Variants in CMTM4 observed in about 807,000 individuals in gnomAD.
CMTM4 encodes CKLF like MARVEL transmembrane domain containing 4.
CMTM4 carries 8 observed loss-of-function variants against 19.0 expected under a neutral mutation model. That is an observed-to-expected ratio of 0.42 (90% CI 0.25 to 0.76). CMTM4 has a LOEUF of 0.76. Ranked by LOEUF, CMTM4 falls within the 30% of genes least tolerant of loss-of-function variation. CMTM4 has a pLI of 0.27. For synonymous variants in CMTM4, 106 were observed against 121.1 expected, an observed-to-expected ratio of 0.88 and a Z score of 0.82; for missense variants, 228 against 290.2, an observed-to-expected ratio of 0.79 and a Z score of 1.56.
the CMTM4 span, among the ~76,000 whole-genome samples, chr16:66,603,287 A>T: frequency 5.4e-5 from 8 of 147,356 alleles, no homozygotes; most frequent in South Asian, 2.1e-4. Context: ...GTCTTTATTT[A>T]TTTTTTTTTT....
At chr16:66,683,814 G>T (rs1443447453) in intron 1 of CMTM4, among the ~76,000 whole-genome samples, 1 of 151,748 alleles carries the variant, frequency 6.6e-6, no homozygotes, top group African/African-American at 2.4e-5. Flanking sequence ...AGATGTGGGG[G>T]GATAGGGAAG....
chr16:66,681,052 T>TA (rs1385280196), intron 1 of CMTM4, among the ~76,000 whole-genome samples: 2 of 152,022 alleles, frequency 1.3e-5, no homozygotes, highest in Non-Finnish European at 2.9e-5. Flanking sequence ...TTTTAAAACG[T>TA]AAAAAAGTAG....
chr16:66,640,969 A>T (rs1046272651), intron 1 of CMTM4, among the ~76,000 whole-genome samples: 4 of 152,152 alleles, frequency 2.6e-5, no homozygotes, highest in African/African-American at 9.7e-5. Flanking sequence ...CTTGACTGCA[A>T]CCTCCTGAGA....
chr16:66,668,672 T>C (rs574317167), intron 1 of CMTM4, among the ~76,000 whole-genome samples: 1 of 152,170 alleles, frequency 6.6e-6, no homozygotes, highest in East Asian at 1.9e-4. Flanking sequence ...ATGACAACAC[T>C]TCACTGTCCC....
At chr16:66,695,419 G>A (rs2017215245) in intron 1 of CMTM4, among the ~76,000 whole-genome samples, 1 of 152,178 alleles carries the variant, frequency 6.6e-6, no homozygotes, top group African/African-American at 2.4e-5. Context: ...GAGGCCGGTG[G>A]CCTCAGAAGG....
chr16:66,618,641 G>T lies in CMTM4; in HGVS notation c.*3417C>A. The T allele has an allele frequency of 1.0e-6, 1 of 985,506 alleles. No homozygotes were observed. The highest frequency in any genetic ancestry group is 4.7e-5 in the South Asian group (1 of 21,292). The allele number at this position is 985,506 out of a possible 1,614,324, so 61.0% of individuals were successfully genotyped here. A position where few individuals can be genotyped will look rare whatever the true frequency, so the allele number is the denominator to read the frequency against. On this transcript the variant is annotated 3_prime_UTR_variant, in exon 4 of 4. Coordinates refer to ENST00000394106, the MANE Select transcript of CMTM4 (RefSeq NM_181521.3). ...ACTGCAAGCAAGAATTCACGTACATGAGTGCACAAAGGTGTTGGAGCTTGG... is the reference window on the plus strand; with the variant it reads ...ACTGCAAGCAAGAATTCACGTACATTAGTGCACAAAGGTGTTGGAGCTTGG...
chr16:66,659,329 C>T (rs924405294), intron 1 of CMTM4, among the ~76,000 whole-genome samples: 4 of 151,412 alleles, frequency 2.6e-5, no homozygotes, highest in Non-Finnish European at 4.4e-5. Context: ...GAGCCGAGAT[C>T]GTGCCACTGC....
chr16:66,688,617 C>G (rs2017079869), intron 1 of CMTM4, among the ~76,000 whole-genome samples: 1 of 152,130 alleles, frequency 6.6e-6, no homozygotes, highest in Admixed American at 6.6e-5. Flanking sequence ...CCTCCATAAA[C>G]CATCACTAGC....
At chr16:66,659,446 A>AC (rs1163423843) in intron 1 of CMTM4, among the ~76,000 whole-genome samples, 4 of 152,044 alleles carry the variant, frequency 2.6e-5, no homozygotes, top group African/African-American at 9.7e-5. Flanking sequence ...ATAACAAATT[A>AC]CCCCATTTCA....
intron 1 of CMTM4, among the ~76,000 whole-genome samples, chr16:66,663,579 T>C (rs922799929): frequency 6.4e-5 from 9 of 141,666 alleles, no homozygotes; most frequent in African/African-American, 2.1e-4. Context: ...AGTCTAGCTC[T>C]GTCGTCAGGC....
downstream of CMTM4, chr16:66,612,588 T>C (rs1341611976): frequency 6.2e-7 from 1 of 1,613,604 alleles, no homozygotes; most frequent in East Asian, 2.2e-5. This position sits in a 1 kb window ranked among gnomAD's most constrained non-coding sequence, Gnocchi z 6.0. Flanking sequence ...CTGCCAAGCA[T>C]CCTCTCTGCT....
chr16:66,663,692 G>C (rs1373286925), intron 1 of CMTM4, among the ~76,000 whole-genome samples: 4 of 151,376 alleles, frequency 2.6e-5, no homozygotes, highest in African/African-American at 9.7e-5. Context: ...ACAGGCAAGC[G>C]CCGCCACACC....
chr16:66,677,603 A>ACCATACT (rs2016831839), intron 1 of CMTM4, among the ~76,000 whole-genome samples: 1 of 152,226 alleles, frequency 6.6e-6, no homozygotes, highest in East Asian at 1.9e-4. Context: ...GGTGACAGGT[A>ACCATACT]GTCTTATCTG....
At chr16:66,671,159 G>A (rs949323925) in intron 1 of CMTM4, among the ~76,000 whole-genome samples, 1 of 152,164 alleles carries the variant, frequency 6.6e-6, no homozygotes, top group African/African-American at 2.4e-5. Flanking sequence ...TTGACGTAAA[G>A]CAGCTTTGTA....
At chr16:66,648,110 T>C (rs921389698) in intron 1 of CMTM4, among the ~76,000 whole-genome samples, 2 of 152,226 alleles carry the variant, frequency 1.3e-5, no homozygotes, top group African/African-American at 4.8e-5. Flanking sequence ...CAAGACTACT[T>C]CTGGCTAATG....
chr16:66,618,975 G>A lies in CMTM4; in HGVS notation c.*3083C>T, dbSNP rs1260779521. The A allele has an allele frequency of 1.0e-6, 1 of 985,362 alleles. No homozygotes were observed. The highest frequency in any genetic ancestry group is 1.2e-6 in the Non-Finnish European group (1 of 829,958). The allele number at this position is 985,362 out of a possible 1,614,324, so 61.0% of individuals were successfully genotyped here. On this transcript the variant is annotated 3_prime_UTR_variant, in exon 4 of 4. Coordinates refer to ENST00000394106, the MANE Select transcript of CMTM4 (RefSeq NM_181521.3). ...CATTGCCAAGGAAGATGTGTATTGG[G>A]GCTGTGCAGGCTGCCACATTCTTGC...
chr16:66,694,557 A>T (rs779645835), intron 1 of CMTM4, among the ~76,000 whole-genome samples: 2 of 151,898 alleles, frequency 1.3e-5, no homozygotes, highest in Non-Finnish European at 1.5e-5. Flanking sequence ...TACTAAAATT[A>T]CAAAAATTAG....
chr16:66,680,591 G>A (rs963412956), intron 1 of CMTM4, among the ~76,000 whole-genome samples: 9 of 151,656 alleles, frequency 5.9e-5, no homozygotes, highest in Admixed American at 2.6e-4. Flanking sequence ...TGGCTAACGC[G>A]GTGAAACCCC....
the CMTM4 span, among the ~76,000 whole-genome samples, chr16:66,603,330 C>T: frequency 7.2e-5 from 11 of 151,926 alleles, no homozygotes; most frequent in Non-Finnish European, 1.5e-5. Flanking sequence ...CTCTGTCGCC[C>T]AGGCTGGGGT....
Sources: gnomAD v4.1 joint callset for allele counts (sites outside exome capture counted in the v4.1 genomes callset) on GRCh38, gnomAD v4.1.1 for gene constraint, Gnocchi (gnomAD v3.1) non-coding constraint, MANE v1.5 for transcripts, NCBI Gene and HGNC (gene_info 2026-07-23, HGNC 2026-07-21) for gene names.